WNT9B: variants seen among roughly 807,000 people sequenced by gnomAD.
The protein encoded by WNT9B is protein Wnt-9b.
In WNT9B, 12 loss-of-function variants were observed where a neutral mutation model predicts 30.2. That is an observed-to-expected ratio of 0.40 (90% confidence interval 0.26 to 0.64). The LOEUF is 0.64. WNT9B is among the 30% of genes least tolerant of loss of function. The pLI is 0.42. For missense variants in WNT9B, 442 were observed against 485.2 expected (o/e 0.91, Z 0.84); for synonymous variants, 218 against 216.9 (o/e 1.01, Z -0.05).
chr17:46,875,191 G>A lies in WNT9B; in HGVS notation c.425G>A (p.Arg142His), dbSNP rs1024072302. The A allele has an allele frequency of 5.6e-6, 9 of 1,613,990 alleles. No homozygotes were observed. Among genetic ancestry groups the A allele is most frequent in the Middle Eastern group, 1.6e-4 (1 of 6,084 alleles). Residue 142 changes from arginine (R) to histidine (H), a missense_variant, in exon 3 of 4, where the codon CGC (arginine) becomes CAC (histidine). Coordinates refer to ENST00000290015, the MANE Select transcript of WNT9B (RefSeq NM_003396.3). ...ARACSAGRME[R>H]CTCDDSPGLE... ...GCCTGCAGCGCTGGGCGCATGGAGC[G>A]CTGCACCTGTGATGACTCTCCGGGG...
chr17:46,875,366 G>C lies in WNT9B; in HGVS notation c.600G>C (p.Lys200Asn). 6.3e-7 allele frequency: 1 copy of C among 1,597,422 alleles called. No individual in the cohort carries two copies. Among genetic ancestry groups the C allele is most frequent in the Admixed American group, 1.7e-5 (1 of 59,174 alleles). ...CCCACAATACCCACGTGGGCATCAA[G>C]GTGAGCATGTCCCTGGCTGCCCGCA... ...ADAHNTHVGI[K>N]AVKSGLRTTC... Residue 200 changes from lysine to asparagine, a missense_variant and splice_region_variant, in exon 3 of 4, where the codon AAG becomes AAC. Physicochemically the swap from Lys to Asn is moderately conservative, Grantham distance 94. Coordinates refer to ENST00000290015, the MANE Select transcript of WNT9B (RefSeq NM_003396.3).
At position 46,879,083 on chromosome 17, in the gene WNT9B, C is replaced by T. The variant is rs551708215; in HGVS notation, c.*2365C>T. Among the ~76,000 whole-genome samples, 7 of 152,256 alleles carry T rather than the reference C, an allele frequency of 4.6e-5. No homozygotes were observed. Among genetic ancestry groups the T allele is most frequent in the African/African-American group, 1.7e-4 (7 of 41,538 alleles). On this transcript the variant is annotated 3_prime_UTR_variant, in exon 4 of 4. Coordinates refer to ENST00000290015, the MANE Select transcript of WNT9B (RefSeq NM_003396.3). ...AATGCTCACAGGGTATTTTTGTCTA[C>T]CTCAAATATATAGTTTTTAGAGCAA... is the stretch of plus-strand genomic sequence containing the variant.
In WNT9B at chr17:46,877,685, C is replaced by T. The variant is rs1039349631; in HGVS notation, c.*967C>T. On this transcript the variant is annotated 3_prime_UTR_variant, in exon 4 of 4. Transcript: ENST00000290015. ...CTCTTGAGTGAGCTTTGGTGACTTC[C>T]TGTGGCTGGGGCCTGCCTGGTCTGT... 7.9e-5 allele frequency among the ~76,000 whole-genome samples: 12 copies of T among 152,214 alleles called. No homozygotes were observed. Among genetic ancestry groups the T allele is most frequent in the African/African-American group, 2.7e-4 (11 of 41,460 alleles).
intron 1 of WNT9B, among the ~76,000 whole-genome samples, chr17:46,863,774 G>A (rs945979385): frequency 6.6e-6 from 1 of 152,138 alleles, no homozygotes; most frequent in African/African-American, 2.4e-5. Flanking sequence ...TGAGGGGAGG[G>A]TCCCCTTTCT....
intron 1 of WNT9B, among the ~76,000 whole-genome samples, chr17:46,854,638 A>G (rs1437392350): frequency 1.3e-5 from 2 of 152,020 alleles, no homozygotes; most frequent in African/African-American, 4.8e-5. Context: ...AAAAAAAAAC[A>G]TAACTAGTAT....
chr17:46,873,010 G>A (rs967790950), intron 2 of WNT9B, among the ~76,000 whole-genome samples: 1 of 151,970 alleles, frequency 6.6e-6, no homozygotes, highest in African/African-American at 2.4e-5. Flanking sequence ...AGATCCAAGA[G>A]AGGAGGAGAC....
Position 46,875,298 on chromosome 17 carries a change from G to C in WNT9B, c.532G>C (p.Gly178Arg). 6.2e-7 allele frequency: 1 copy of C among 1,613,952 alleles called. No homozygotes were observed. Among genetic ancestry groups the C allele is most frequent in the South Asian group, 1.1e-5 (1 of 91,074 alleles). Residue 178 changes from glycine (G) to arginine (R), a missense_variant, in exon 3 of 4, where the codon GGG becomes CGG. By Grantham distance (125) the Gly-to-Arg change is moderately radical. Transcript: ENST00000290015. The stretch of plus-strand genomic sequence containing the variant: ...CACCAAGTTTCTGAGCAACTTCCTG[G>C]GGTCCAAGAGAGGAAACAAGGACCT... ...YSTKFLSNFL[G>R]SKRGNKDLRA...
At chr17:46,857,574 G>C (rs201403745) in intron 1 of WNT9B, among the ~76,000 whole-genome samples, 4 of 152,074 alleles carry the variant, frequency 2.6e-5, no homozygotes, top group Non-Finnish European at 4.4e-5. Context: ...CTTTTTGTGG[G>C]TGTATGTTTT....
downstream of WNT9B, chr17:46,884,999 T>G (rs542633833): frequency 2.3e-6 from 1 of 438,834 alleles, no homozygotes; most frequent in Non-Finnish European, 4.5e-6. Flanking sequence ...TCCTTAGCTT[T>G]TTTTTTTAGA....
chr17:46,872,801 G>T, intron 2 of WNT9B, 28 bp downstream of exon 2: 1 of 1,434,548 alleles, frequency 7.0e-7, no homozygotes, highest in South Asian at 1.2e-5. Flanking sequence ...GGGACGGGGA[G>T]GGCTGGGGGA....
chr17:46,870,998 C>T (rs2085234792), intron 1 of WNT9B, among the ~76,000 whole-genome samples: 1 of 151,402 alleles, frequency 6.6e-6, no homozygotes, highest in Admixed American at 6.6e-5. Context: ...GCAGCCTCCA[C>T]CTCCCGAGCT....
chr17:46,843,842 CTG>C (rs2084743163), intron 1 of WNT9B, among the ~76,000 whole-genome samples: 1 of 152,236 alleles, frequency 6.6e-6, no homozygotes, highest in Admixed American at 6.5e-5. Context: ...TCCCAACAAA[CTG>C]TGTGCTCCTC....
At chr17:46,848,270 T>G (rs1019286624), upstream of WNT9B, among the ~76,000 whole-genome samples, 2 of 151,878 alleles carry the variant, frequency 1.3e-5, no homozygotes, top group Non-Finnish European at 2.9e-5. Flanking sequence ...CAGGAAGGAG[T>G]GCTTCCGTCA....
intron 1 of WNT9B, among the ~76,000 whole-genome samples, chr17:46,842,370 C>A (rs2084726092): frequency 6.6e-6 from 1 of 152,032 alleles, no homozygotes; most frequent in Non-Finnish European, 1.5e-5. Flanking sequence ...AGCTTTAAAT[C>A]TTTATTTATT....
intron 1 of WNT9B, among the ~76,000 whole-genome samples, chr17:46,838,315 C>T (rs572926110): frequency 1.7e-3 from 248 of 146,870 alleles, no homozygotes; most frequent in Non-Finnish European, 3.1e-3. Flanking sequence ...TAGAACGGGG[C>T]CTGCCTTAAA....
downstream of WNT9B, among the ~76,000 whole-genome samples, chr17:46,881,560 C>G (rs2085422929): frequency 6.6e-6 from 1 of 152,214 alleles, no homozygotes; most frequent in Non-Finnish European, 1.5e-5. Flanking sequence ...CCCATATTCT[C>G]TCTACCATAC....
At chr17:46,863,549 G>T (rs1380540724) in intron 1 of WNT9B, among the ~76,000 whole-genome samples, 1 of 152,154 alleles carries the variant, frequency 6.6e-6, no homozygotes, top group Non-Finnish European at 1.5e-5. Context: ...GAGGGGGATG[G>T]GGCTGGCAAG....
intron 1 of WNT9B, among the ~76,000 whole-genome samples, chr17:46,862,889 G>A (rs1269381223): frequency 2.0e-5 from 3 of 152,174 alleles, no homozygotes; most frequent in Non-Finnish European, 4.4e-5. Flanking sequence ...CCAGGCCTAA[G>A]CTGAGTTTTA....
chr17:46,876,911 A>C lies in WNT9B; in HGVS notation c.*193A>C, dbSNP rs895369337. Reference sequence around the variant, plus strand: ...GCCTCCCTCGATACTCAACAAAGAGAAGCAAAGCCTCCTCCCTTAACCCAA... The same window carrying C: ...GCCTCCCTCGATACTCAACAAAGAGCAGCAAAGCCTCCTCCCTTAACCCAA... On this transcript the variant is annotated 3_prime_UTR_variant, in exon 4 of 4. Coordinates refer to ENST00000290015, the MANE Select transcript of WNT9B (RefSeq NM_003396.3). The C allele has an allele frequency of 3.0e-4, 413 of 1,360,082 alleles. 1 individual carries two copies. The highest frequency in any genetic ancestry group is 3.6e-4 in the Non-Finnish European group (380 of 1,056,700). The allele number at this position is 1,360,082 out of a possible 1,614,324, so 84.3% of individuals were successfully genotyped here. A position where few individuals can be genotyped will look rare whatever the true frequency, so the allele number is the denominator to read the frequency against.
Sources: allele counts gnomAD v4.1 joint callset (sites outside exome capture counted in the v4.1 genomes callset), GRCh38; gene constraint gnomAD v4.1.1; transcripts MANE v1.5; gene names NCBI Gene and HGNC (gene_info 2026-07-23, HGNC 2026-07-21).